Variants in NXN observed in about 807,000 individuals in gnomAD.
NXN encodes nucleoredoxin, also known as nucleoredoxin 1.
In NXN, 16 loss-of-function variants were observed where a neutral mutation model predicts 48.6. That is an observed-to-expected ratio of 0.33 (90% CI 0.22 to 0.50). NXN has a LOEUF of 0.50. NXN is among the 20% of genes least tolerant of loss of function. The pLI, the probability that NXN is intolerant of heterozygous loss-of-function variation, is 0.98. For missense variants in NXN, 492 were observed against 605.5 expected (o/e 0.81, Z 1.97); for synonymous variants, 281 against 269.6 (o/e 1.04, Z -0.41).
chr17:847,673 T>C (rs1293948814), intron 1 of NXN, among the ~76,000 whole-genome samples: 4 of 152,092 alleles, frequency 2.6e-5, no homozygotes, highest in African/African-American at 9.7e-5. Context: ...AAACGGACTG[T>C]GGCTTGCATT....
intron 1 of NXN, among the ~76,000 whole-genome samples, chr17:961,199 G>C (rs576720096): frequency 5.5e-4 from 83 of 152,124 alleles, no homozygotes; most frequent in Admixed American, 1.8e-3. Context: ...TTCCTGACCA[G>C]CCTGGCCAAC....
chr17:848,520 C>G (rs1364427849), intron 1 of NXN, among the ~76,000 whole-genome samples: 1 of 152,206 alleles, frequency 6.6e-6, no homozygotes, highest in Non-Finnish European at 1.5e-5. Context: ...CAGGTTCGTG[C>G]CTGGTCATTA....
intron 1 of NXN, among the ~76,000 whole-genome samples, chr17:833,895 G>GA (rs1024869918): frequency 4.9e-4 from 74 of 151,468 alleles, no homozygotes; most frequent in East Asian, 1.7e-3. Flanking sequence ...GATTAAAAAA[G>GA]AAAAAAAAAT....
rs57643437 is a variant in NXN at position 905,254 on chromosome 17, A to AATATATATATATATAT, written c.360+74049_360+74064dup. 1.6e-4 allele frequency: 21 copies of AATATATATATATATAT among 128,712 alleles called. 1 individual carries two copies. The South Asian group carries it at 3.0e-3, about 18-fold the overall frequency. The allele number at this position is 128,712 out of a possible 1,614,324, so 8.0% of individuals were successfully genotyped here. On this transcript the variant is annotated intron_variant, in intron 1 of 7. Coordinates refer to ENST00000336868, the MANE Select transcript of NXN (RefSeq NM_022463.5). The stretch of plus-strand genomic sequence containing the variant: ...CAGCAAGACCCTGTCTGTAAATGTA[A>AATATATATATATATAT]ATATATATATATATATATAGATGCC...
chr17:862,001 T>C (rs529560552), intron 1 of NXN, among the ~76,000 whole-genome samples: 1 of 152,146 alleles, frequency 6.6e-6, no homozygotes, highest in Admixed American at 6.6e-5. Context: ...GGCTAATGTT[T>C]TGTATTTTTG....
chr17:907,280 A>G (rs1567857584), intron 1 of NXN, among the ~76,000 whole-genome samples: 1 of 151,950 alleles, frequency 6.6e-6, no homozygotes. Context: ...TTACCTGTGA[A>G]TTTAGGTGAT....
rs60665462 is a variant in NXN, at chr17:959,493, G to GAA, written c.360+19824_360+19825dup. ...GCCCAATAAAGGACTTCAGAAGTGA[G>GAA]AAAAAAAAAAAAGGTGAAATAGGCC... On this transcript the variant is annotated intron_variant, in intron 1 of 7. Transcript: ENST00000336868. 1,157 of 147,664 alleles carry GAA rather than the reference G, an allele frequency of 7.8e-3. 6 individuals are homozygous for GAA. Among genetic ancestry groups the GAA allele is most frequent in the African/African-American group, 0.015 (601 of 39,720 alleles). The allele number at this position is 147,664 out of a possible 1,614,324, so 9.1% of individuals were successfully genotyped here. A position where few individuals can be genotyped will look rare whatever the true frequency, so the allele number is the denominator to read the frequency against.
rs1911985674 is a variant in NXN at position 811,295 on chromosome 17, G to A, written c.821-6048C>T. Among the ~76,000 whole-genome samples the A allele has an allele frequency of 2.0e-5, 3 of 152,220 alleles. No individual in the cohort carries two copies. The South Asian group carries it at 6.2e-4, about 31-fold the overall frequency. ...CGCCCTCCCTGAAGGTTGGGCCACG[G>A]GAGCCAAACCAGACAGGGCCCCTGG... On this transcript the variant is annotated intron_variant, in intron 5 of 7. Coordinates refer to ENST00000336868, the MANE Select transcript of NXN (RefSeq NM_022463.5).
At chr17:840,094 CAA>C (rs202070104) in intron 1 of NXN, among the ~76,000 whole-genome samples, 47 of 128,084 alleles carry the variant, frequency 3.7e-4, no homozygotes, top group Admixed American at 4.0e-4. Flanking sequence ...GAGACTGTCT[CAA>C]AAAAAAAAAA....
chr17:816,072 G>T (rs187235723), intron 5 of NXN, among the ~76,000 whole-genome samples: 1 of 152,264 alleles, frequency 6.6e-6, no homozygotes, highest in East Asian at 1.9e-4. Context: ...AGGACACGGC[G>T]CTCGGTAACG....
chr17:867,030 C>T (rs1047829647), intron 1 of NXN, among the ~76,000 whole-genome samples: 44 of 144,284 alleles, frequency 3.0e-4, no homozygotes, highest in African/African-American at 7.3e-4. Context: ...CGGGGTTCTC[C>T]GGGGAATCCT....
At chr17:912,428 G>A (rs9895445) in intron 1 of NXN, among the ~76,000 whole-genome samples, 56,385 of 151,758 alleles carry the variant, frequency 0.37, 10,679 homozygotes, top group Middle Eastern at 0.5. Context: ...CAAAGACACC[G>A]CATCAGATTA....
rs62067124 is a variant in NXN, at chr17:841,396, C to T, written c.361-15318G>A. Among the ~76,000 whole-genome samples the T allele has an allele frequency of 3.0e-4, 34 of 115,078 alleles. No homozygotes were observed. The East Asian group carries it at 3.0e-3, about 10-fold the overall frequency. 75.5% of individuals were successfully genotyped at this position (115,078 alleles called of 152,430 possible). On this transcript the variant is annotated intron_variant, in intron 1 of 7. Transcript: ENST00000336868. ...CCACACACGGTGCATCTCACGCCGG[C>T]GAGCAGGTCCCCCCTGACCACGGCG...
intron 1 of NXN, among the ~76,000 whole-genome samples, chr17:938,218 G>A (rs2068930948): frequency 6.6e-6 from 1 of 152,248 alleles, no homozygotes; most frequent in African/African-American, 2.4e-5. Flanking sequence ...CTTTCCACTT[G>A]GGCGGTTTTA....
rs2144653756 is a variant in NXN at position 825,783 on chromosome 17, TA to T, written c.478+177del. 1 of 579,628 alleles carries T rather than the reference TA, an allele frequency of 1.7e-6. No homozygotes were observed. The highest frequency in any genetic ancestry group is 3.0e-5 in the East Asian group (1 of 33,628). The allele number at this position is 579,628 out of a possible 1,614,324, so 35.9% of individuals were successfully genotyped here. On this transcript the variant is annotated intron_variant, in intron 2 of 7. Coordinates refer to ENST00000336868, the MANE Select transcript of NXN (RefSeq NM_022463.5). This position sits in a 1 kb window ranked among gnomAD's most constrained non-coding sequence, Gnocchi z 4.1. Reference sequence around the variant, plus strand: ...GACATTCTGATCCCTGTGAAAATCTTAAAACCATGTCCTAGGGAATACTATG... The same window carrying T: ...GACATTCTGATCCCTGTGAAAATCTTAAACCATGTCCTAGGGAATACTATG...
chr17:803,718 C>T lies in NXN; in HGVS notation c.1089G>A (p.Glu363=). The T allele has an allele frequency of 6.2e-7, 1 of 1,614,246 alleles. No individual in the cohort carries two copies. The highest frequency in any genetic ancestry group is 8.5e-7 in the Non-Finnish European group (1 of 1,180,042). ...CGAAGAACAGAAGGGGTGCCTCCTC[C>T]TCTTTGGCTTTGTACTTGGCAATGA... The part of the protein sequence containing the change: ...EKIIAKYKAK[E]EEAPLLFFVA... Residue 363 remains glutamate, a synonymous_variant, in exon 7 of 8, where the codon GAG becomes GAA. Coordinates refer to ENST00000336868, the MANE Select transcript of NXN (RefSeq NM_022463.5).
At chr17:966,073 A>G (rs898977334) in intron 1 of NXN, among the ~76,000 whole-genome samples, 4 of 151,566 alleles carry the variant, frequency 2.6e-5, no homozygotes, top group South Asian at 2.1e-4. Flanking sequence ...CTGAGATGGC[A>G]CCACTGCACT....
intron 1 of NXN, among the ~76,000 whole-genome samples, chr17:877,149 G>A (rs944046563): frequency 3.3e-5 from 5 of 151,762 alleles, no homozygotes; most frequent in African/African-American, 7.3e-5. Context: ...GAACAGCGAC[G>A]GTGTTGTTTT....
chr17:922,481 T>C (rs2068758839), intron 1 of NXN, among the ~76,000 whole-genome samples: 1 of 151,834 alleles, frequency 6.6e-6, no homozygotes, highest in South Asian at 2.1e-4. Context: ...GAACCATTAG[T>C]TGGAAATAGG....
Sources: gnomAD v4.1 joint callset for allele counts (sites outside exome capture counted in the v4.1 genomes callset) on GRCh38, gnomAD v4.1.1 for gene constraint, Gnocchi (gnomAD v3.1) non-coding constraint, MANE v1.5 for transcripts, NCBI Gene and HGNC (gene_info 2026-07-23, HGNC 2026-07-21) for gene names.